MDGA2: variants seen among roughly 807,000 people sequenced by gnomAD.
MDGA2 encodes the protein MAM domain-containing glycosylphosphatidylinositol anchor protein 2.
A neutral mutation model predicts 117.8 loss-of-function variants in MDGA2; 40 were observed. That is an observed-to-expected ratio of 0.34 (90% CI 0.26 to 0.44). The LOEUF is 0.44. Among genes scored for constraint, MDGA2 ranks in the 20% least tolerant of loss-of-function variants. The probability of loss-of-function intolerance (pLI) is 1.00; values close to 1 mark genes in which losing one functional copy is unlikely to be tolerated. For missense variants in MDGA2, 1,123 were observed against 1,250.6 expected (o/e 0.90, Z 1.54); for synonymous variants, 452 against 439.0 (o/e 1.03, Z -0.37).
chr14:47,155,885 CTTCTTTTTTTTTTTTTTT>C (rs1489321375), intron 3 of MDGA2, among the ~76,000 whole-genome samples: 2,471 of 80,194 alleles, frequency 0.031, 227 homozygotes, highest in Non-Finnish European at 0.046. Context: ...TCTTCTTCTT[CTTCTTTTTTTTTTTTTTT>C]TTTTTTTTTT....
At chr14:46,927,163 T>TAAAG (rs2138532843) in intron 9 of MDGA2, among the ~76,000 whole-genome samples, 1 of 152,290 alleles carries the variant, frequency 6.6e-6, no homozygotes, top group African/African-American at 2.4e-5. Flanking sequence ...ATTGGGAGCA[T>TAAAG]AAAGAATACT....
intron 1 of MDGA2, among the ~76,000 whole-genome samples, chr14:47,307,432 G>C (rs1379882450): frequency 1.3e-5 from 2 of 152,098 alleles, no homozygotes; most frequent in Admixed American, 1.3e-4. Context: ...TGTAATCCCA[G>C]GACTTTGGGA....
chr14:47,173,911 C>CTT (rs1884307499), intron 3 of MDGA2, among the ~76,000 whole-genome samples: 2 of 151,762 alleles, frequency 1.3e-5, no homozygotes, highest in Admixed American at 1.3e-4. Flanking sequence ...CCAGCTCATG[C>CTT]GCAGAGACAC....
At chr14:47,368,327 C>T (rs964260694) in intron 1 of MDGA2, among the ~76,000 whole-genome samples, 2 of 151,918 alleles carry the variant, frequency 1.3e-5, no homozygotes, top group Non-Finnish European at 2.9e-5. Flanking sequence ...GAAAGTTATG[C>T]TACATGAATC....
chr14:47,619,872 C>T (rs975076641), intron 1 of MDGA2, among the ~76,000 whole-genome samples: 2 of 152,104 alleles, frequency 1.3e-5, no homozygotes, highest in Admixed American at 6.6e-5. Flanking sequence ...ATATCCAGGG[C>T]TGCTCTACTC....
intron 14 of MDGA2, among the ~76,000 whole-genome samples, chr14:46,872,407 A>G (rs887037983): frequency 6.6e-6 from 1 of 151,914 alleles, no homozygotes; most frequent in Non-Finnish European, 1.5e-5. Context: ...TTTGCATACC[A>G]GAGAAATGTT....
At chr14:47,450,012 T>C (rs1357281682) in intron 1 of MDGA2, among the ~76,000 whole-genome samples, 1 of 152,136 alleles carries the variant, frequency 6.6e-6, no homozygotes, top group Non-Finnish European at 1.5e-5. Context: ...AAAACTGTCA[T>C]AGAAGTGATA....
chr14:47,665,262 G>A (rs548143851), intron 1 of MDGA2, among the ~76,000 whole-genome samples: 1 of 152,056 alleles, frequency 6.6e-6, no homozygotes, highest in Non-Finnish European at 1.5e-5. Context: ...TCTTCTTCTA[G>A]ATACACACAT....
intron 2 of MDGA2, among the ~76,000 whole-genome samples, chr14:47,226,010 C>T (rs1052577015): frequency 2.2e-4 from 34 of 151,724 alleles, no homozygotes; most frequent in Non-Finnish European, 3.5e-4. Context: ...GGAGCCTGGC[C>T]GGGAGCAGTG....
intron 2 of MDGA2, among the ~76,000 whole-genome samples, chr14:47,270,874 A>G (rs1888121567): frequency 6.6e-6 from 1 of 152,164 alleles, no homozygotes. Flanking sequence ...CTTTCAAAAC[A>G]AAAGAGGCTT....
At chr14:47,307,738 G>A (rs1889502133) in intron 1 of MDGA2, among the ~76,000 whole-genome samples, 1 of 151,958 alleles carries the variant, frequency 6.6e-6, no homozygotes, top group Non-Finnish European at 1.5e-5. Context: ...GAAGAAGGTG[G>A]AGAATTCAGT....
chr14:47,238,882 A>G (rs1277159085), intron 2 of MDGA2, among the ~76,000 whole-genome samples: 1 of 151,788 alleles, frequency 6.6e-6, no homozygotes, highest in Non-Finnish European at 1.5e-5. Flanking sequence ...ATGATTTATA[A>G]TAATATTTTT....
chr14:47,272,097 A>T (rs1011500461), intron 2 of MDGA2, among the ~76,000 whole-genome samples: 3 of 152,318 alleles, frequency 2.0e-5, no homozygotes, highest in African/African-American at 7.2e-5. Context: ...AGTATAAATA[A>T]GAAATACAAC....
intron 7 of MDGA2, among the ~76,000 whole-genome samples, chr14:47,042,974 A>G (rs1024239506): frequency 6.6e-6 from 1 of 152,086 alleles, no homozygotes; most frequent in Non-Finnish European, 1.5e-5. Context: ...AAGAACACCA[A>G]TTGTCAGTGG....
chr14:47,027,593 T>C lies in MDGA2; in HGVS notation c.1819+7418A>G, dbSNP rs1009833156. ...AAACTGATCTTCTTTTCAGATAATGTATAGTCAATTGCTCTATCTGAAGAT... is the reference window on the plus strand; with the variant it reads ...AAACTGATCTTCTTTTCAGATAATGCATAGTCAATTGCTCTATCTGAAGAT... On this transcript the variant is annotated intron_variant, in intron 8 of 16. Coordinates refer to ENST00000399232, the MANE Select transcript of MDGA2 (RefSeq NM_001113498.3). Among the ~76,000 whole-genome samples, 10 of 148,964 alleles carry C rather than the reference T, an allele frequency of 6.7e-5. No individual in the cohort carries two copies. The East Asian group carries it at 2.0e-3, about 29-fold the overall frequency.
intron 1 of MDGA2, among the ~76,000 whole-genome samples, chr14:47,438,540 A>AT (rs1424616870): frequency 1.4e-4 from 21 of 152,168 alleles, no homozygotes; most frequent in African/African-American, 5.1e-4. Flanking sequence ...CCCGTTTCTC[A>AT]TATGTGTAAA....
intron 1 of MDGA2, among the ~76,000 whole-genome samples, chr14:47,358,252 T>G (rs1891038860): frequency 6.6e-6 from 1 of 152,214 alleles, no homozygotes; most frequent in Non-Finnish European, 1.5e-5. Context: ...CTGTATGCAA[T>G]GACTCAGCTA....
intron 1 of MDGA2, among the ~76,000 whole-genome samples, chr14:47,418,803 C>A (rs1363252537): frequency 6.6e-6 from 1 of 152,058 alleles, no homozygotes; most frequent in Non-Finnish European, 1.5e-5. Flanking sequence ...GAACCCAGGT[C>A]TAAGGGAACA....
chr14:46,848,764 C>T (rs1880943732), intron 15 of MDGA2, among the ~76,000 whole-genome samples: 1 of 151,800 alleles, frequency 6.6e-6, no homozygotes, highest in African/African-American at 2.4e-5. Flanking sequence ...AGCGGATTGA[C>T]TAATGTAATT....
Sources: gnomAD v4.1 joint callset for allele counts (sites outside exome capture counted in the v4.1 genomes callset) on GRCh38, gnomAD v4.1.1 for gene constraint, MANE v1.5 for transcripts, NCBI Gene and HGNC (gene_info 2026-07-23, HGNC 2026-07-21) for gene names.